The following CCDC187 variants were observed in gnomAD, a reference collection of about 807,000 sequenced individuals.
The protein encoded by CCDC187 is coiled-coil domain-containing protein 187.
A neutral mutation model predicts 38.0 loss-of-function variants in CCDC187; 32 were observed. That is an observed-to-expected ratio of 0.84 (90% CI 0.64 to 1.13). The LOEUF is 1.13. Ranked by LOEUF, CCDC187 falls within the 50% of genes most tolerant of loss-of-function variation. The pLI, the probability that CCDC187 is intolerant of heterozygous loss-of-function variation, is 0.00. For missense variants in CCDC187, 707 were observed against 786.8 expected (o/e 0.90, Z 1.21); for synonymous variants, 333 against 347.9 (o/e 0.96, Z 0.48).
chr9:136,259,186 A>G (rs891892844), intron 21 of CCDC187, among the ~76,000 whole-genome samples, 177 bp downstream of exon 21: 1 of 133,660 alleles, frequency 7.5e-6, no homozygotes. Flanking sequence ...GGAACCAAGG[A>G]CCGGCCACAG....
At chr9:136,256,479 C>T (rs111700172) in intron 23 of CCDC187, among the ~76,000 whole-genome samples, 156 bp from the exon 24 acceptor site, 1,606 of 152,124 alleles carry the variant, frequency 0.011, 17 homozygotes, top group Non-Finnish European at 0.017. Context: ...TGCCAGATTC[C>T]CCTCCTCCCA....
At chr9:136,263,536 C>T (rs1830705261) in intron 18 of CCDC187, 86 bp downstream of exon 18, 16 of 949,354 alleles carry the variant, frequency 1.7e-5, no homozygotes, top group Non-Finnish European at 1.9e-5. Flanking sequence ...GCCCGGCCCA[C>T]AGGCATTTTT....
intron 6 of CCDC187, 30 bp from the exon 7 acceptor site, chr9:136,290,083 C>A (rs1177831397): frequency 7.5e-6 from 3 of 398,668 alleles, no homozygotes; most frequent in East Asian, 7.1e-5. Context: ...CATCAGAGCC[C>A]CCCGCTCGGG....
At chr9:136,283,540 G>A (rs1319491876) in intron 9 of CCDC187, among the ~76,000 whole-genome samples, 1 of 152,230 alleles carries the variant, frequency 6.6e-6, no homozygotes, top group African/African-American at 2.4e-5. Context: ...TCCGGGCCAC[G>A]GTTCATGAAT....
chr9:136,306,627 T>C (rs1831807544), upstream of CCDC187, among the ~76,000 whole-genome samples: 1 of 152,154 alleles, frequency 6.6e-6, no homozygotes, highest in Admixed American at 6.5e-5. Context: ...GCCTAAGTCA[T>C]GTGTCCAGGG....
chr9:136,276,135 A>T (rs1830926440), intron 12 of CCDC187, 59 bp downstream of exon 12: 1 of 152,152 alleles, frequency 6.6e-6, no homozygotes, highest in African/African-American at 2.4e-5. Flanking sequence ...AGTGTGACTG[A>T]CCTTCCCACC....
At chr9:136,274,035 G>A (rs1399471710) in intron 14 of CCDC187, among the ~76,000 whole-genome samples, 3 of 152,250 alleles carry the variant, frequency 2.0e-5, no homozygotes, top group African/African-American at 7.2e-5. Flanking sequence ...ACGCTGGGGA[G>A]GCTGTGCAGA....
At chr9:136,280,611 T>C (rs1347125421) in intron 10 of CCDC187, among the ~76,000 whole-genome samples, 1 of 151,558 alleles carries the variant, frequency 6.6e-6, no homozygotes, top group Non-Finnish European at 1.5e-5. Context: ...GGGTGGATGC[T>C]ATCAGTTGGG....
chr9:136,261,779 C>T (rs35851148), intron 19 of CCDC187, among the ~76,000 whole-genome samples: 26,284 of 152,258 alleles, frequency 0.17, 2,497 homozygotes, highest in East Asian at 0.29. Flanking sequence ...CGCTGCCCCC[C>T]GCTTTCTGCT....
chr9:136,253,663 G>T lies in CCDC187; in HGVS notation c.6165C>A (p.Ser2055=). 4.1e-6 allele frequency: 4 copies of T among 985,554 alleles called. No individual in the cohort carries two copies. The highest frequency in any genetic ancestry group is 4.7e-5 in the South Asian group (1 of 21,290). The allele number at this position is 985,554 out of a possible 1,614,324, so 61.1% of individuals were successfully genotyped here. A position where few individuals can be genotyped will look rare whatever the true frequency, so the allele number is the denominator to read the frequency against. The change falls in exon 26 of 26, where the codon TCC becomes TCA. Residue 2055 remains serine, a synonymous_variant. Coordinates refer to ENST00000638797, the MANE Select transcript of CCDC187 (RefSeq NM_001378188.1). The part of the protein sequence containing the change: ...EDTAITTQDL[S]SLSEESLPEG... The stretch of plus-strand genomic sequence containing the variant: ...CCGGCAGACTCTCCTCAGACAAGGA[G>T]GACAAATCCTGGGTGGTGATGGCGG...
chr9:136,269,381 G>A (rs1830802187), intron 14 of CCDC187, among the ~76,000 whole-genome samples: 1 of 152,246 alleles, frequency 6.6e-6, no homozygotes, highest in African/African-American at 2.4e-5. Flanking sequence ...CCAGTGCGGT[G>A]GCTCACGCCT....
chr9:136,258,400 G>C lies in CCDC187; in HGVS notation c.4366+532C>G, dbSNP rs1462146456. ...CTTCTGAATTCGGCACCCAGGGCTG[G>C]TCAGGGAGCTCCGAGGTGGCATCGC... On this transcript the variant is annotated intron_variant, in intron 22 of 25. Coordinates refer to ENST00000638797, the MANE Select transcript of CCDC187 (RefSeq NM_001378188.1). This position sits in a 1 kb window ranked among gnomAD's most constrained non-coding sequence, Gnocchi z 4.3. Among the ~76,000 whole-genome samples the C allele has an allele frequency of 1.3e-5, 2 of 152,096 alleles. No homozygotes were observed. Among genetic ancestry groups the C allele is most frequent in the African/African-American group, 4.8e-5 (2 of 41,420 alleles).
At chr9:136,260,386 G>A (rs1830666131) in intron 19 of CCDC187, 122 bp from the exon 20 acceptor site, 1 of 705,792 alleles carries the variant, frequency 1.4e-6, no homozygotes, top group Non-Finnish European at 1.7e-6. Context: ...CACATCCAGG[G>A]ATGGCTGTGG....
chr9:136,255,657 C>G lies in CCDC187; in HGVS notation c.4693G>C (p.Ala1565Pro), dbSNP rs1554760179. The G allele has an allele frequency of 2.0e-6, 2 of 985,108 alleles. No homozygotes were observed. The allele number at this position is 985,108 out of a possible 1,614,324, so 61.0% of individuals were successfully genotyped here. A position where few individuals can be genotyped will look rare whatever the true frequency, so the allele number is the denominator to read the frequency against. The change falls in exon 25 of 26, where the codon GCA becomes CCA. Residue 1565 changes from alanine to proline, a missense_variant and splice_region_variant. Transcript: ENST00000638797. Reference sequence around the variant, plus strand: ...GAGGGGCTGGGGGCTGGGGCATTACCTGGGGAGGCAGCGGCCTGGGCAGCC... The same window carrying G: ...GAGGGGCTGGGGGCTGGGGCATTACGTGGGGAGGCAGCGGCCTGGGCAGCC... ...LEAAQAAASP[A>P]APVVPEEAAP... is the part of the protein sequence containing the mutation.
In CCDC187 at chr9:136,253,552, A is replaced by C; in HGVS notation, c.*42T>G. The C allele has an allele frequency of 1.0e-6, 1 of 971,176 alleles. No individual in the cohort carries two copies. Among genetic ancestry groups the C allele is most frequent in the Non-Finnish European group, 1.2e-6 (1 of 816,844 alleles). The allele number at this position is 971,176 out of a possible 1,614,324, so 60.2% of individuals were successfully genotyped here. The stretch of plus-strand genomic sequence containing the variant: ...AACTGCATCTACCCAACTGGTCGTC[A>C]ACGCTTCCACCCGGACCAGCCACCC... On this transcript the variant is annotated 3_prime_UTR_variant, in exon 26 of 26. Transcript: ENST00000638797.
intron 3 of CCDC187, 63 bp downstream of exon 3, chr9:136,300,156 TG>T: frequency 2.5e-6 from 1 of 398,124 alleles, no homozygotes; most frequent in Non-Finnish European, 4.4e-6. Context: ...CAGCATGTGC[TG>T]CCCCCATCAT....
chr9:136,301,427 CG>C (rs1831678765), intron 2 of CCDC187, among the ~76,000 whole-genome samples: 1 of 151,730 alleles, frequency 6.6e-6, no homozygotes, highest in African/African-American at 2.4e-5. Context: ...TGGGAGGGGA[CG>C]GGGGTGAGTG....
Position 136,262,319 on chromosome 9 carries a change from C to T in CCDC187, c.4056G>A (p.Lys1352=). The part of the protein sequence containing the change: ...HRPQSSPASS[K]ATRPPTEQQD... ...AAGACCAACCAACTCACCGCGTGGCCTTTGAGCTTGCGGGGCTGCTCTGGG... is the reference window on the plus strand; with the variant it reads ...AAGACCAACCAACTCACCGCGTGGCTTTTGAGCTTGCGGGGCTGCTCTGGG... Residue 1352 remains lysine (K), a synonymous_variant, in exon 19 of 26, where the codon AAG becomes AAA. Transcript: ENST00000638797. 1.0e-6 allele frequency: 1 copy of T among 986,562 alleles called. No homozygotes were observed. The highest frequency in any genetic ancestry group is 1.7e-5 in the African/African-American group (1 of 57,388). 61.1% of individuals were successfully genotyped at this position (986,562 alleles called of 1,614,324 possible).
chr9:136,295,406 A>T (rs1435569887), intron 4 of CCDC187, among the ~76,000 whole-genome samples: 16 of 152,298 alleles, frequency 1.1e-4, no homozygotes, highest in African/African-American at 3.9e-4. Flanking sequence ...AATGGCAATT[A>T]ATTTTTTTAC....
Sources: gnomAD v4.1 joint callset for allele counts (sites outside exome capture counted in the v4.1 genomes callset) on GRCh38, gnomAD v4.1.1 for gene constraint, Gnocchi (gnomAD v3.1) non-coding constraint, MANE v1.5 for transcripts, NCBI Gene and HGNC (gene_info 2026-07-23, HGNC 2026-07-21) for gene names.